The following UGT8 variants were observed in gnomAD, a reference collection of about 807,000 sequenced individuals.
UGT8 encodes the protein UDP glycosyltransferase 8.
A neutral mutation model predicts 40.5 loss-of-function variants in UGT8; 12 were observed. The observed-to-expected ratio is 0.30, with a 90% CI of 0.19 to 0.48. The LOEUF is 0.48. UGT8 is among the 20% of genes least tolerant of loss of function. UGT8 has a pLI of 0.99. For missense variants in UGT8, 513 were observed against 648.7 expected (o/e 0.79, Z 2.27); for synonymous variants, 224 against 240.4 (o/e 0.93, Z 0.63).
intron 2 of UGT8, among the ~76,000 whole-genome samples, chr4:114,647,294 T>A (rs756135038): frequency 5.3e-5 from 8 of 152,074 alleles, no homozygotes; most frequent in Non-Finnish European, 1.0e-4. Flanking sequence ...TAACAACCAA[T>A]GCTCGTTGAA....
intron 2 of UGT8, among the ~76,000 whole-genome samples, chr4:114,632,859 CTAAT>C (rs1312251892): frequency 6.6e-6 from 1 of 152,094 alleles, no homozygotes; most frequent in East Asian, 1.9e-4. Context: ...ATACAGTTGC[CTAAT>C]TTATTTTGCA....
Position 114,676,451 on chromosome 4 carries a change from G to A in UGT8, c.*163G>A, listed in dbSNP as rs1735652138. ...TGTGGAATTAAGATGGCTGTAAAAA[G>A]CACAAACCTAAAATGCAGAAATGTA... is the stretch of plus-strand genomic sequence containing the variant. On this transcript the variant is annotated 3_prime_UTR_variant, in exon 6 of 6. Coordinates refer to ENST00000310836, the MANE Select transcript of UGT8 (RefSeq NM_001128174.3). The A allele has an allele frequency of 1.6e-6, 1 of 607,894 alleles. No individual in the cohort carries two copies. The allele number at this position is 607,894 out of a possible 1,614,324, so 37.7% of individuals were successfully genotyped here. A position where few individuals can be genotyped will look rare whatever the true frequency, so the allele number is the denominator to read the frequency against.
At chr4:114,658,432 G>A (rs773708107) in intron 2 of UGT8, among the ~76,000 whole-genome samples, 1 of 152,162 alleles carries the variant, frequency 6.6e-6, no homozygotes, top group Non-Finnish European at 1.5e-5. Context: ...CATTCTTGGA[G>A]GAGAGAAAAG....
At chr4:114,640,287 C>T in intron 2 of UGT8, among the ~76,000 whole-genome samples, 1 of 151,632 alleles carries the variant, frequency 6.6e-6, no homozygotes, top group East Asian at 1.9e-4. Flanking sequence ...GCCTCGGCCT[C>T]CCAAAGTGCT....
chr4:114,609,456 T>C (rs562742996), intron 1 of UGT8, among the ~76,000 whole-genome samples: 1 of 152,322 alleles, frequency 6.6e-6, no homozygotes, highest in South Asian at 2.1e-4. Context: ...ATACTTTTTC[T>C]TCAAACTTCT....
intron 2 of UGT8, among the ~76,000 whole-genome samples, chr4:114,643,045 AT>A (rs1312391593): frequency 1.3e-5 from 2 of 152,118 alleles, no homozygotes; most frequent in Non-Finnish European, 2.9e-5. Context: ...GGTTCTTATT[AT>A]TTTAATGTTG....
chr4:114,615,721 G>A (rs1422883395), intron 1 of UGT8, among the ~76,000 whole-genome samples: 2 of 152,140 alleles, frequency 1.3e-5, no homozygotes, highest in African/African-American at 4.8e-5. Flanking sequence ...AACTCCAAGG[G>A]CATACATTAG....
chr4:114,655,611 T>C (rs1378289274), intron 2 of UGT8, among the ~76,000 whole-genome samples: 1 of 152,064 alleles, frequency 6.6e-6, no homozygotes, highest in African/African-American at 2.4e-5. Context: ...CAGTTCAAAG[T>C]TATTTTTTTT....
At chr4:114,665,417 G>C in intron 3 of UGT8, 2 of 985,266 alleles carry the variant, frequency 2.0e-6, no homozygotes, top group Non-Finnish European at 1.2e-6. Context: ...TCCCATCTCT[G>C]TATGTGTATA....
At position 114,620,341 on chromosome 4, in the gene UGT8, A is replaced by G. The variant is rs141861289; in HGVS notation, c.-2-2538A>G. Among the ~76,000 whole-genome samples the G allele has an allele frequency of 6.8e-3, 1,037 of 152,280 alleles. 11 individuals are homozygous for G. The highest frequency in any genetic ancestry group is 9.9e-3 in the Non-Finnish European group (670 of 68,010). On this transcript the variant is annotated intron_variant, in intron 1 of 5. Coordinates refer to ENST00000310836, the MANE Select transcript of UGT8 (RefSeq NM_001128174.3). ...AGCAGTGAGCAGTAGCTGCTGGAATACCTACCTGTTTTGGCATTAGTCTTA... is the reference window on the plus strand; with the variant it reads ...AGCAGTGAGCAGTAGCTGCTGGAATGCCTACCTGTTTTGGCATTAGTCTTA...
chr4:114,627,326 T>C (rs1732293898), intron 2 of UGT8, among the ~76,000 whole-genome samples: 2 of 150,210 alleles, frequency 1.3e-5, no homozygotes, highest in Non-Finnish European at 3.0e-5. Flanking sequence ...TGGCATGATC[T>C]CAGCTCACTA....
At chr4:114,667,047 G>A (rs761858228) in intron 4 of UGT8, among the ~76,000 whole-genome samples, 3 of 152,004 alleles carry the variant, frequency 2.0e-5, no homozygotes, top group Non-Finnish European at 2.9e-5. Flanking sequence ...CAAAGAGAGG[G>A]GTTTTTGCTA....
chr4:114,609,553 A>G (rs1406802674), intron 1 of UGT8, among the ~76,000 whole-genome samples: 1 of 151,830 alleles, frequency 6.6e-6, no homozygotes, highest in Non-Finnish European at 1.5e-5. Flanking sequence ...TTTTCTGGAG[A>G]TAATTTTTCT....
At chr4:114,674,073 G>T (rs557161256) in intron 5 of UGT8, among the ~76,000 whole-genome samples, 2 of 152,054 alleles carry the variant, frequency 1.3e-5, no homozygotes, top group East Asian at 3.9e-4. Context: ...TTGCATAATT[G>T]TTAAAACTTA....
intron 4 of UGT8, chr4:114,667,661 C>T (rs894086713): frequency 9.2e-5 from 15 of 162,350 alleles, no homozygotes; most frequent in Admixed American, 9.2e-4. Context: ...GAATCCAGCC[C>T]TTTTTTACAT....
At chr4:114,667,563 A>C (rs1229362663) in intron 4 of UGT8, among the ~76,000 whole-genome samples, 2 of 152,204 alleles carry the variant, frequency 1.3e-5, no homozygotes, top group African/African-American at 4.8e-5. Context: ...AAATTGTGAA[A>C]TATTAATGCT....
intron 1 of UGT8, among the ~76,000 whole-genome samples, chr4:114,614,487 T>A (rs1356787894): frequency 6.6e-6 from 1 of 152,304 alleles, no homozygotes; most frequent in East Asian, 1.9e-4. Context: ...CTCTTTTAAA[T>A]GAGTTTGTTA....
chr4:114,640,493 T>C (rs2126113215), intron 2 of UGT8, among the ~76,000 whole-genome samples: 1 of 152,292 alleles, frequency 6.6e-6, no homozygotes, highest in Admixed American at 6.5e-5. Flanking sequence ...ATGTATGATA[T>C]ACCCTAAGGT....
At chr4:114,615,736 T>A (rs1019680033) in intron 1 of UGT8, among the ~76,000 whole-genome samples, 5 of 152,174 alleles carry the variant, frequency 3.3e-5, no homozygotes, top group African/African-American at 1.2e-4. Flanking sequence ...CATTAGAAAT[T>A]GCACATAGCA....
Sources: allele counts gnomAD v4.1 joint callset (sites outside exome capture counted in the v4.1 genomes callset), GRCh38; gene constraint gnomAD v4.1.1; transcripts MANE v1.5; gene names NCBI Gene and HGNC (gene_info 2026-07-23, HGNC 2026-07-21).